FBXL13: variants seen among roughly 807,000 people sequenced by gnomAD.
FBXL13 encodes the protein F-box and leucine-rich repeat protein 13.
FBXL13 carries 67 observed loss-of-function variants against 83.6 expected under a neutral mutation model. The ratio of observed to expected loss-of-function variants is 0.80; its 90% CI spans 0.66 to 0.98. The LOEUF (loss-of-function observed/expected upper bound fraction) is 0.98. Among genes scored for constraint, FBXL13 ranks in the 50% least tolerant of loss-of-function variants. The pLI is 0.00. For synonymous variants in FBXL13, 272 were observed against 299.5 expected, an observed-to-expected ratio of 0.91 and a Z score of 0.95; for missense variants, 822 against 866.5, an observed-to-expected ratio of 0.95 and a Z score of 0.64.
chr7:102,904,128 C>A (rs1422554835), intron 11 of FBXL13, among the ~76,000 whole-genome samples: 1 of 151,504 alleles, frequency 6.6e-6, no homozygotes, highest in Non-Finnish European at 1.5e-5. Context: ...AGGTCCCAAG[C>A]TTTTCTTTAC....
chr7:102,906,071 C>T (rs185541882), intron 11 of FBXL13, among the ~76,000 whole-genome samples: 10 of 152,040 alleles, frequency 6.6e-5, no homozygotes, highest in East Asian at 1.9e-4. Flanking sequence ...AAGAAAAAAA[C>T]GAGAAAGATG....
intron 9 of FBXL13, 91 bp downstream of exon 10, chr7:102,931,790 T>C: frequency 8.2e-7 from 1 of 1,220,526 alleles, no homozygotes; most frequent in Non-Finnish European, 1.2e-6. Context: ...GAATCCCAAA[T>C]AAGCACACAA....
intron 8 of FBXL13, among the ~76,000 whole-genome samples, chr7:102,940,635 G>A (rs1454146046): frequency 2.6e-5 from 4 of 152,176 alleles, no homozygotes; most frequent in Admixed American, 1.3e-4. Flanking sequence ...AGGATAAAAT[G>A]TGCTCAAACC....
intron 1 of FBXL13, among the ~76,000 whole-genome samples, chr7:103,059,896 G>A (rs902447648): frequency 1.1e-4 from 16 of 151,152 alleles, no homozygotes; most frequent in Admixed American, 3.3e-4. Context: ...GTCTGTTTCC[G>A]TTTCCTTAAA....
chr7:102,856,987 C>T (rs889684529), intron 16 of FBXL13, among the ~76,000 whole-genome samples: 1 of 152,190 alleles, frequency 6.6e-6, no homozygotes, highest in African/African-American at 2.4e-5. Flanking sequence ...CATTCTTCAA[C>T]AAATGGTGCT....
chr7:103,003,984 T>C (rs1357062050), intron 6 of FBXL13, among the ~76,000 whole-genome samples: 1 of 152,240 alleles, frequency 6.6e-6, no homozygotes, highest in Non-Finnish European at 1.5e-5. Flanking sequence ...TCACTGAGTT[T>C]TCTTAGAACT....
intron 16 of FBXL13, among the ~76,000 whole-genome samples, chr7:102,867,687 ATATATATATTTTTT>A (rs1219081039): frequency 1.3e-3 from 109 of 81,922 alleles, no homozygotes; most frequent in African/African-American, 7.1e-3. Context: ...ATATATATAT[ATATATATATTTTTT>A]TTTTTTTTTT....
chr7:103,040,167 T>A (rs1214656942), intron 2 of FBXL13, among the ~76,000 whole-genome samples: 1 of 151,970 alleles, frequency 6.6e-6, no homozygotes, highest in Non-Finnish European at 1.5e-5. Flanking sequence ...AAGCAGGGGT[T>A]GCAATCCTAG....
chr7:103,073,329 G>T (rs1563303802), intron 1 of FBXL13, among the ~76,000 whole-genome samples: 1 of 152,100 alleles, frequency 6.6e-6, no homozygotes, highest in Non-Finnish European at 1.5e-5. Context: ...TTAATAATAT[G>T]TGTTGGGAGC....
intron 19 of FBXL13, among the ~76,000 whole-genome samples, chr7:102,814,130 A>C (rs767260377): frequency 6.6e-6 from 1 of 152,230 alleles, no homozygotes; most frequent in Non-Finnish European, 1.5e-5. Flanking sequence ...TAAAGAATGC[A>C]TCAGAAAAAA....
chr7:103,073,681 C>A (rs1799270871), intron 1 of FBXL13, among the ~76,000 whole-genome samples: 1 of 152,094 alleles, frequency 6.6e-6, no homozygotes, highest in African/African-American at 2.4e-5. Context: ...TAAAGTAGAT[C>A]CCTAGAAGTA....
At chr7:103,010,052 C>A (rs1172579155) in intron 6 of FBXL13, among the ~76,000 whole-genome samples, 1 of 152,116 alleles carries the variant, frequency 6.6e-6, no homozygotes. Context: ...GCAGGCAGAG[C>A]CCATGACCCC....
intron 8 of FBXL13, among the ~76,000 whole-genome samples, chr7:102,950,162 A>G (rs1823190092): frequency 6.6e-6 from 1 of 152,200 alleles, no homozygotes; most frequent in South Asian, 2.1e-4. Context: ...CTGGTTAAAA[A>G]TGGGCCAAAG....
At chr7:103,054,035 C>T (rs778707772) in intron 2 of FBXL13, among the ~76,000 whole-genome samples, 2 of 152,124 alleles carry the variant, frequency 1.3e-5, no homozygotes, top group African/African-American at 2.4e-5. Context: ...CACTTTTCAA[C>T]ATCCAACTTC....
intron 16 of FBXL13, among the ~76,000 whole-genome samples, chr7:102,875,824 C>T (rs558243525): frequency 5.6e-4 from 85 of 152,106 alleles, no homozygotes; most frequent in African/African-American, 1.9e-3. Context: ...GCCCAGAGGC[C>T]GACTTCATTC....
chr7:103,015,366 TA>T (rs1297285026), intron 6 of FBXL13, among the ~76,000 whole-genome samples: 1 of 151,990 alleles, frequency 6.6e-6, no homozygotes, highest in Non-Finnish European at 1.5e-5. Flanking sequence ...TAGAAAGAAA[TA>T]AAAGATGCTC....
At chr7:103,036,866 A>C (rs1266432434) in intron 2 of FBXL13, among the ~76,000 whole-genome samples, 3 of 152,218 alleles carry the variant, frequency 2.0e-5, no homozygotes, top group Non-Finnish European at 4.4e-5. Context: ...AACGCTCACT[A>C]ACATTTGTAC....
intron 6 of FBXL13, among the ~76,000 whole-genome samples, chr7:103,011,610 C>T (rs2129486549): frequency 6.6e-6 from 1 of 150,614 alleles, no homozygotes; most frequent in Non-Finnish European, 1.5e-5. Flanking sequence ...TACACTCCAG[C>T]CTGGGAGACA....
chr7:103,011,662 C>T (rs555746224), intron 6 of FBXL13, among the ~76,000 whole-genome samples: 1 of 144,414 alleles, frequency 6.9e-6, no homozygotes, highest in Non-Finnish European at 1.5e-5. Flanking sequence ...AAGAAACAAA[C>T]AAACTGATCT....
Sources: gnomAD v4.1 joint callset for allele counts (sites outside exome capture counted in the v4.1 genomes callset) on GRCh38, gnomAD v4.1.1 for gene constraint, MANE v1.5 for transcripts, NCBI Gene and HGNC (gene_info 2026-07-23, HGNC 2026-07-21) for gene names.